The following WIZ variants were observed in gnomAD, a reference collection of about 807,000 sequenced individuals.
WIZ encodes WIZ zinc finger.
In WIZ, 25 loss-of-function variants were observed where a neutral mutation model predicts 140.2. The ratio of observed to expected loss-of-function variants is 0.18; its 90% CI spans 0.13 to 0.25. The LOEUF is 0.25. Among genes scored for constraint, WIZ ranks in the 10% least tolerant of loss-of-function variants. The probability of loss-of-function intolerance (pLI) is 1.00; values close to 1 mark genes in which losing one functional copy is unlikely to be tolerated. For missense variants in WIZ, 2,231 were observed against 2,632.6 expected (o/e 0.85, Z 3.34); for synonymous variants, 1,125 against 1,154.3 (o/e 0.97, Z 0.51).
Position 15,424,625 on chromosome 19 carries a change from G to C in WIZ, c.5302C>G (p.Gln1768Glu), listed in dbSNP as rs754982351. ...ACCAAGCACTCACTGTTGATGTTCT[G>C]CCGCTGGTGCTCCTCAGCCTTCACG... ...GTVKAEEHQR[Q>E]NINKFERRQA... Residue 1768 changes from glutamine (Q) to glutamate (E), a missense_variant, in exon 11 of 13, where the codon CAG becomes GAG. By Grantham distance (29) the Gln-to-Glu change is conservative (BLOSUM62 2). Transcript: ENST00000673675. The surrounding 1 kb of genome is among the most constrained non-coding windows in gnomAD (Gnocchi z 9.7). The C allele has an allele frequency of 1.3e-6, 2 of 1,592,114 alleles. No individual in the cohort carries two copies. Among genetic ancestry groups the C allele is most frequent in the South Asian group, 1.1e-5 (1 of 90,148 alleles).
At chr19:15,431,253 C>T (rs1046613830) in intron 5 of WIZ, 71 bp from the exon 6 acceptor site, 24 of 1,410,210 alleles carry the variant, frequency 1.7e-5, no homozygotes, top group Non-Finnish European at 2.1e-5. Flanking sequence ...AAGAAGATGG[C>T]CTTCTTCCTT....
Position 15,420,148 on chromosome 19 carries a change from G to A in WIZ, c.*2928C>T, listed in dbSNP as rs986243905. 6.6e-6 allele frequency: 1 copy of A among 152,236 alleles called. No individual in the cohort carries two copies. The highest frequency in any genetic ancestry group is 2.1e-4 in the South Asian group (1 of 4,836). 9.4% of individuals were successfully genotyped at this position (152,236 alleles called of 1,614,324 possible). On this transcript the variant is annotated 3_prime_UTR_variant, in exon 13 of 13. Coordinates refer to ENST00000673675, the MANE Select transcript of WIZ (RefSeq NM_001371589.1). ...ACAATTCAGACAGGTAGAGAGAGGA[G>A]GAGGAAGCAAGGAGCTATAAGATAA...
chr19:15,427,264 C>T lies in WIZ; in HGVS notation c.4084G>A (p.Glu1362Lys), dbSNP rs1968894364. 6.2e-7 allele frequency: 1 copy of T among 1,613,650 alleles called. No individual in the cohort carries two copies. The highest frequency in any genetic ancestry group is 8.5e-7 in the Non-Finnish European group (1 of 1,180,018). The change falls in exon 9 of 13, where the codon GAA becomes AAA. Residue 1362 changes from glutamate (E) to lysine (K), a missense_variant. This residue lies in a region of WIZ where 393 missense variants were observed against 451.7 expected (regional missense o/e 0.87). Coordinates refer to ENST00000673675, the MANE Select transcript of WIZ (RefSeq NM_001371589.1). The surrounding 1 kb of genome is among the most constrained non-coding windows in gnomAD (Gnocchi z 6.4). The stretch of plus-strand genomic sequence containing the variant: ...TGAAGGTCCGAGGGGCTGCGGGCTT[C>T]CAGTGAGCTGCCAGGACCTGCGCCG... ...MGGAGPGSSLEARSPSDLHIS... is the reference protein window; with the variant it reads ...MGGAGPGSSLKARSPSDLHIS...
At position 15,448,271 on chromosome 19, in the gene WIZ, C is replaced by T; in HGVS notation, c.37G>A (p.Asp13Asn). The change falls in exon 2 of 13, where the codon GAT (aspartate) becomes AAT (asparagine). Residue 13 changes from aspartate (D) to asparagine (N), a missense_variant. Coordinates refer to ENST00000673675, the MANE Select transcript of WIZ (RefSeq NM_001371589.1). ...GSLAGSLAAP[D>N]RPQGPERLPG... ...AGTCTCTCTGGGCCTTGGGGACGAT[C>T]TGGTGCAGCCAGGCTGCCTGCCAGA... 1.2e-6 allele frequency: 2 copies of T among 1,613,304 alleles called. No individual in the cohort carries two copies. The highest frequency in any genetic ancestry group is 1.3e-5 in the African/African-American group (1 of 75,020).
rs773349995 is a variant in WIZ, at chr19:15,448,136, G to C, written c.172C>G (p.Arg58Gly). 4.0e-5 allele frequency: 64 copies of C among 1,612,590 alleles called. No individual in the cohort carries two copies. Among genetic ancestry groups the C allele is most frequent in the Non-Finnish European group, 4.9e-5 (58 of 1,179,248 alleles). ...RYLPVTKEGP[R>G]DILDGRGGIS... ...CCACCTCTGCCATCCAGAATGTCTC[G>C]GGGGCCCTCCTTGGTGACAGGCAGG... The change falls in exon 2 of 13, where the codon CGA (arginine) becomes GGA (glycine). Residue 58 changes from arginine to glycine, a missense_variant. By Grantham distance (125) the Arg-to-Gly change is moderately radical. This residue lies in a region of WIZ where 85 missense variants were observed against 90.9 expected (regional missense o/e 0.94). Transcript: ENST00000673675.
At chr19:15,423,609 T>G (rs1365773962) in intron 12 of WIZ, among the ~76,000 whole-genome samples, 1 of 152,028 alleles carries the variant, frequency 6.6e-6, no homozygotes, top group Non-Finnish European at 1.5e-5. Flanking sequence ...TCCTGGCACC[T>G]AAAAAGGCCT....
At position 15,424,389 on chromosome 19, in the gene WIZ, GA is replaced by G. The variant is rs1968578848; in HGVS notation, c.5315-12del. The G allele has an allele frequency of 2.5e-6, 4 of 1,599,900 alleles. No homozygotes were observed. The highest frequency in any genetic ancestry group is 1.1e-5 in the South Asian group (1 of 90,156). On this transcript the variant is annotated splice_polypyrimidine_tract_variant and intron_variant, in intron 11 of 12. Coordinates refer to ENST00000673675, the MANE Select transcript of WIZ (RefSeq NM_001371589.1). This position sits in a 1 kb window ranked among gnomAD's most constrained non-coding sequence, Gnocchi z 9.7. Reference sequence around the variant, plus strand: ...GTCGGCGTTCAAATTCTAAGGTGGAGAGGGGGACGGGAGATGAGTGGGAGGG... The same window carrying G: ...GTCGGCGTTCAAATTCTAAGGTGGAGGGGGGACGGGAGATGAGTGGGAGGG...
Position 15,424,383 on chromosome 19 carries a change from G to A in WIZ, c.5315-5C>T. 2.5e-6 allele frequency: 4 copies of A among 1,600,272 alleles called. No individual in the cohort carries two copies. The highest frequency in any genetic ancestry group is 3.4e-6 in the Non-Finnish European group (4 of 1,176,452). On this transcript the variant is annotated splice_polypyrimidine_tract_variant and splice_region_variant and intron_variant, in intron 11 of 12. Coordinates refer to ENST00000673675, the MANE Select transcript of WIZ (RefSeq NM_001371589.1). This position sits in a 1 kb window ranked among gnomAD's most constrained non-coding sequence, Gnocchi z 9.7. ...GGGCTTGTCGGCGTTCAAATTCTAA[G>A]GTGGAGAGGGGGACGGGAGATGAGT...
At chr19:15,432,308 C>T (rs1162729955) in intron 5 of WIZ, 1 of 394,810 alleles carries the variant, frequency 2.5e-6, no homozygotes, top group Non-Finnish European at 3.4e-6. Flanking sequence ...CCTGGGCCCA[C>T]ACAACTAAAG....
intron 12 of WIZ, among the ~76,000 whole-genome samples, chr19:15,423,654 C>T (rs1218390427): frequency 6.6e-6 from 1 of 152,242 alleles, no homozygotes; most frequent in Non-Finnish European, 1.5e-5. Flanking sequence ...AGCTCCATGG[C>T]TCAAGACGTG....
Position 15,440,632 on chromosome 19 carries a change from C to T in WIZ, c.362G>A (p.Gly121Asp), listed in dbSNP as rs1969707887. 1 of 1,531,576 alleles carries T rather than the reference C, an allele frequency of 6.5e-7. No homozygotes were observed. The highest frequency in any genetic ancestry group is 1.4e-5 in the African/African-American group (1 of 73,050). The allele number at this position is 1,531,576 out of a possible 1,614,324, so 94.9% of individuals were successfully genotyped here. The change falls in exon 4 of 13, where the codon GGC (glycine) becomes GAC (aspartate). Residue 121 changes from glycine (G) to aspartate (D), a missense_variant. Physicochemically the swap from Gly to Asp is moderately conservative, Grantham distance 94. Transcript: ENST00000673675. This position sits in a 1 kb window ranked among gnomAD's most constrained non-coding sequence, Gnocchi z 6.2. ...LLGHFPGTPDGRGPWEHPLVQ... is the reference protein window; with the variant it reads ...LLGHFPGTPDDRGPWEHPLVQ... The stretch of plus-strand genomic sequence containing the variant: ...AAGGGGGTGCTCCCAGGGCCCCCGG[C>T]CATCAGGGGTACCTGGGAAATGGCC...
chr19:15,441,431 C>T (rs1170976268), intron 3 of WIZ, among the ~76,000 whole-genome samples: 2 of 152,162 alleles, frequency 1.3e-5, no homozygotes, highest in Non-Finnish European at 2.9e-5. Context: ...TTCTCATAGC[C>T]ATCATCAACA....
At position 15,424,398 on chromosome 19, in the gene WIZ, G is replaced by A. The variant is rs78607593; in HGVS notation, c.5315-20C>T. On this transcript the variant is annotated intron_variant, in intron 11 of 12. Transcript: ENST00000673675. This position sits in a 1 kb window ranked among gnomAD's most constrained non-coding sequence, Gnocchi z 9.7. ...CAAATTCTAAGGTGGAGAGGGGGACGGGAGATGAGTGGGAGGGGTGGATGC... is the reference window on the plus strand; with the variant it reads ...CAAATTCTAAGGTGGAGAGGGGGACAGGAGATGAGTGGGAGGGGTGGATGC... 252 of 1,596,768 alleles carry A rather than the reference G, an allele frequency of 1.6e-4. 2 individuals are homozygous for A. The South Asian group carries it at 2.5e-3, about 16-fold the overall frequency.
chr19:15,447,011 G>A (rs546458032), intron 2 of WIZ, among the ~76,000 whole-genome samples: 1 of 152,226 alleles, frequency 6.6e-6, no homozygotes, highest in African/African-American at 2.4e-5. Flanking sequence ...GCTAGGTGAC[G>A]TTGGGCAACT....
At position 15,427,458 on chromosome 19, in the gene WIZ, G is replaced by A; in HGVS notation, c.3890C>T (p.Ser1297Leu). The change falls in exon 9 of 13, where the codon TCG (serine) becomes TTG (leucine). Residue 1297 changes from serine to leucine, a missense_variant. Around this residue, in one of 15 missense-constraint regions of WIZ, gnomAD observed 10 missense variants for 36.3 expected, o/e 0.28. Coordinates refer to ENST00000673675, the MANE Select transcript of WIZ (RefSeq NM_001371589.1). This position sits in a 1 kb window ranked among gnomAD's most constrained non-coding sequence, Gnocchi z 6.4. ...GEFFENRKGL[S>L]SHARSHLRQM... ...CCGCAGATGGGAGCGCGCGTGGCTC[G>A]AGAGGCCCTTGCGGTTCTCGAAGAA... is the stretch of plus-strand genomic sequence containing the variant. 6.2e-7 allele frequency: 1 copy of A among 1,613,534 alleles called. No homozygotes were observed. Among genetic ancestry groups the A allele is most frequent in the Non-Finnish European group, 8.5e-7 (1 of 1,180,002 alleles).
At chr19:15,438,389 C>T (rs1443621667) in intron 4 of WIZ, among the ~76,000 whole-genome samples, 189 bp downstream of exon 4, 1 of 152,216 alleles carries the variant, frequency 6.6e-6, no homozygotes, top group Non-Finnish European at 1.5e-5. Context: ...CCTCCAGTGG[C>T]TGGAATGGCC....
Position 15,428,906 on chromosome 19 carries a change from G to A in WIZ, c.3416-398C>T, listed in dbSNP as rs1443628746. ...AGACTCAGTGGAAGCAACTTCAAGG[G>A]AACATAAGGTGCCAAATGGGGGGCT... On this transcript the variant is annotated intron_variant, in intron 7 of 12. Transcript: ENST00000673675. The surrounding 1 kb of genome is among the most constrained non-coding windows in gnomAD (Gnocchi z 6.4). Among the ~76,000 whole-genome samples the A allele has an allele frequency of 6.6e-6, 1 of 152,170 alleles. No homozygotes were observed. Among genetic ancestry groups the A allele is most frequent in the South Asian group, 2.1e-4 (1 of 4,830 alleles).
chr19:15,438,619 G>T lies in WIZ; in HGVS notation c.2375C>A (p.Ala792Asp), dbSNP rs1260285978. The stretch of plus-strand genomic sequence containing the variant: ...CTGGAAGGAGAACCTGCGCTCAATG[G>T]CCTTCACCTCCTCAGCGGAGATGAA... ...RHFISAEEVK[A>D]IERRFSFQKK... Residue 792 changes from alanine (A) to aspartate (D), a missense_variant, in exon 4 of 13, where the codon GCC becomes GAC. Ala to Asp is a moderately radical substitution (Grantham distance 126). Around this residue, in one of 15 missense-constraint regions of WIZ, gnomAD observed 118 missense variants for 209.1 expected, o/e 0.56. Coordinates refer to ENST00000673675, the MANE Select transcript of WIZ (RefSeq NM_001371589.1). The T allele has an allele frequency of 6.6e-7, 1 of 1,524,594 alleles. No homozygotes were observed. Among genetic ancestry groups the T allele is most frequent in the Non-Finnish European group, 8.8e-7 (1 of 1,137,648 alleles). 94.4% of individuals were successfully genotyped at this position (1,524,594 alleles called of 1,614,324 possible).
chr19:15,435,738 G>A (rs541518193), intron 5 of WIZ, among the ~76,000 whole-genome samples: 2 of 151,730 alleles, frequency 1.3e-5, no homozygotes, highest in Non-Finnish European at 2.9e-5. Context: ...CAGGAGAATC[G>A]CTGGAACCTG....
Sources: allele counts gnomAD v4.1 joint callset (sites outside exome capture counted in the v4.1 genomes callset), GRCh38; gene constraint gnomAD v4.1.1; regional missense constraint gnomAD v4.1.1; non-coding constraint Gnocchi (gnomAD v3.1); transcripts MANE v1.5; gene names NCBI Gene and HGNC (gene_info 2026-07-23, HGNC 2026-07-21).